Variants in PIP5K1C observed in about 807,000 individuals in gnomAD.
The protein encoded by PIP5K1C is phosphatidylinositol-4-phosphate 5-kinase type 1 gamma.
PIP5K1C carries 45 observed loss-of-function variants against 80.1 expected under a neutral mutation model. The ratio of observed to expected loss-of-function variants is 0.56; its 90% CI spans 0.44 to 0.72. The LOEUF (loss-of-function observed/expected upper bound fraction) is 0.72. Ranked by LOEUF, PIP5K1C falls within the 30% of genes least tolerant of loss-of-function variation. The pLI, the probability that PIP5K1C is intolerant of heterozygous loss-of-function variation, is 0.00. For synonymous variants in PIP5K1C, 498 were observed against 420.1 expected (o/e 1.19, Z -2.27); for missense variants, 753 against 954.6 (o/e 0.79, Z 2.78).
chr19:3,662,106 C>G lies in PIP5K1C; in HGVS notation c.220-105G>C, dbSNP rs1038495675. On this transcript the variant is annotated intron_variant, in intron 3 of 17. Coordinates refer to ENST00000335312, the MANE Select transcript of PIP5K1C (RefSeq NM_012398.3). ...GATCGTGACCAGCTGCAGCTTGGGA[C>G]CCGGCACCTGCCAACCCCCTCCTGG... is the stretch of plus-strand genomic sequence containing the variant. The G allele has an allele frequency of 2.6e-5, 36 of 1,391,476 alleles. No homozygotes were observed. The Admixed American group carries it at 7.3e-4, about 28-fold the overall frequency. The allele number at this position is 1,391,476 out of a possible 1,614,324, so 86.2% of individuals were successfully genotyped here. A position where few individuals can be genotyped will look rare whatever the true frequency, so the allele number is the denominator to read the frequency against.
chr19:3,698,930 G>GCCCCCCACCCCCAC (rs2036207831), intron 1 of PIP5K1C, among the ~76,000 whole-genome samples: 2 of 131,728 alleles, frequency 1.5e-5, no homozygotes, highest in Non-Finnish European at 3.3e-5. Flanking sequence ...GCCCTCCCCG[G>GCCCCCCACCCCCAC]CCCCCCACCC....
chr19:3,681,853 G>T (rs1056056842), intron 1 of PIP5K1C, among the ~76,000 whole-genome samples: 1 of 151,960 alleles, frequency 6.6e-6, no homozygotes, highest in Admixed American at 6.6e-5. Context: ...AAACTCCAGG[G>T]GGTCACTTAG....
chr19:3,638,127 A>G, intron 16 of PIP5K1C: 1 of 1,277,298 alleles, frequency 7.8e-7, no homozygotes, highest in South Asian at 1.6e-5. Flanking sequence ...AGAACAAACC[A>G]TCTGGGAAGT....
chr19:3,690,905 G>A (rs1837462422), intron 1 of PIP5K1C, among the ~76,000 whole-genome samples: 1 of 152,200 alleles, frequency 6.6e-6, no homozygotes. Context: ...TGGAGGTCGG[G>A]GCCACGGAGC....
At chr19:3,633,748 G>A (rs1007335228) in intron 16 of PIP5K1C, among the ~76,000 whole-genome samples, 8 of 152,166 alleles carry the variant, frequency 5.3e-5, no homozygotes, top group African/African-American at 7.2e-5. Flanking sequence ...CACGGCGGGC[G>A]GCAGAAAGCA....
At chr19:3,643,020 GC>G in intron 13 of PIP5K1C, 81 bp from the exon 14 acceptor site, 1 of 1,543,342 alleles carries the variant, frequency 6.5e-7, no homozygotes, top group Non-Finnish European at 9.0e-7. Context: ...CTACCCGCCT[GC>G]CTACCTGCCC....
At chr19:3,680,986 C>T (rs2035572705) in intron 1 of PIP5K1C, among the ~76,000 whole-genome samples, 1 of 152,156 alleles carries the variant, frequency 6.6e-6, no homozygotes, top group Non-Finnish European at 1.5e-5. Flanking sequence ...GATGGCCCTA[C>T]CCCAGAGAAA....
intron 11 of PIP5K1C, among the ~76,000 whole-genome samples, chr19:3,645,292 G>T (rs770968025): frequency 6.6e-6 from 1 of 152,266 alleles, no homozygotes; most frequent in Admixed American, 6.5e-5. Flanking sequence ...GGAGCCTTCT[G>T]GTGGGGAGGG....
At chr19:3,671,939 G>A (rs1050999003) in intron 1 of PIP5K1C, among the ~76,000 whole-genome samples, 2 of 152,224 alleles carry the variant, frequency 1.3e-5, no homozygotes, top group Non-Finnish European at 2.9e-5. Context: ...AAAATAGTCG[G>A]GGGAGGAAAG....
chr19:3,648,077 A>G lies in PIP5K1C; in HGVS notation c.1211+548T>C, dbSNP rs772870929. ...TGCTCTGTCACCCAGCCTGGGGTGC[A>G]GTACGGCCATCATAGCTCACTGCTG... is the stretch of plus-strand genomic sequence containing the variant. On this transcript the variant is annotated intron_variant, in intron 9 of 17. Transcript: ENST00000335312. This position sits in a 1 kb window ranked among gnomAD's most constrained non-coding sequence, Gnocchi z 4.3. 3.0e-4 allele frequency among the ~76,000 whole-genome samples: 46 copies of G among 152,116 alleles called. No individual in the cohort carries two copies. Among genetic ancestry groups the G allele is most frequent in the African/African-American group, 9.9e-4 (41 of 41,476 alleles).
chr19:3,692,960 G>T lies in PIP5K1C; in HGVS notation c.94+7337C>A, dbSNP rs2035989829. ...TCACTTCCCCTGGATCTCTGTTCAA[G>T]TGTGGCCCCCGAGTCCCCAGCCTTG... On this transcript the variant is annotated intron_variant, in intron 1 of 17. Transcript: ENST00000335312. This position sits in a 1 kb window ranked among gnomAD's most constrained non-coding sequence, Gnocchi z 5.2. Among the ~76,000 whole-genome samples, 1 of 151,838 alleles carries T rather than the reference G, an allele frequency of 6.6e-6. No individual in the cohort carries two copies. Among genetic ancestry groups the T allele is most frequent in the Non-Finnish European group, 1.5e-5 (1 of 67,952 alleles).
chr19:3,688,878 G>C lies in PIP5K1C; in HGVS notation c.94+11419C>G, dbSNP rs368015876. On this transcript the variant is annotated intron_variant, in intron 1 of 17. Coordinates refer to ENST00000335312, the MANE Select transcript of PIP5K1C (RefSeq NM_012398.3). This position sits in a 1 kb window ranked among gnomAD's most constrained non-coding sequence, Gnocchi z 5.3. The stretch of plus-strand genomic sequence containing the variant: ...CCACACAGCCGAATACATGCCCCCG[G>C]TCCCCCTTCCAGCCTTGTCCCCAAC... Among the ~76,000 whole-genome samples the C allele has an allele frequency of 1.6e-4, 24 of 151,836 alleles. No homozygotes were observed. The East Asian group carries it at 4.1e-3, about 26-fold the overall frequency.
intron 5 of PIP5K1C, 54 bp downstream of exon 5, chr19:3,660,912 C>A (rs2034810684): frequency 1.4e-6 from 2 of 1,427,966 alleles, no homozygotes; most frequent in African/African-American, 1.4e-5. Context: ...CCCTCCGAGA[C>A]CCTGAACATG....
At chr19:3,695,076 C>T (rs962385296) in intron 1 of PIP5K1C, among the ~76,000 whole-genome samples, 2 of 152,220 alleles carry the variant, frequency 1.3e-5, no homozygotes, top group Non-Finnish European at 2.9e-5. Context: ...TGGACAGATT[C>T]GGGTGGGGTC....
Position 3,661,566 on chromosome 19 carries a change from T to C in PIP5K1C, c.350+305A>G, listed in dbSNP as rs199905463. ...TGGCGGTGTGGGGTGACCAGAAGGA[T>C]CCCAGGACCCCAACACCATGGAACC... On this transcript the variant is annotated intron_variant, in intron 4 of 17. Transcript: ENST00000335312. Among the ~76,000 whole-genome samples, 29 of 152,312 alleles carry C rather than the reference T, an allele frequency of 1.9e-4. 1 individual carries two copies. The East Asian group carries it at 4.6e-3, about 24-fold the overall frequency.
At chr19:3,656,791 C>CCAGG (rs2034649529) in intron 5 of PIP5K1C, among the ~76,000 whole-genome samples, 1 of 152,208 alleles carries the variant, frequency 6.6e-6, no homozygotes, top group Non-Finnish European at 1.5e-5. Context: ...GGCGCACTCC[C>CCAGG]CAGGCTGCCT....
chr19:3,694,211 C>CAAAAA (rs1175485721), intron 1 of PIP5K1C, among the ~76,000 whole-genome samples: 1 of 57,496 alleles, frequency 1.7e-5, no homozygotes, highest in African/African-American at 6.6e-5. Context: ...GACTCCATCT[C>CAAAAA]AAAAAAAAAA....
chr19:3,642,762 G>T, intron 14 of PIP5K1C, 145 bp downstream of exon 14: 1 of 741,024 alleles, frequency 1.3e-6, no homozygotes, highest in Non-Finnish European at 2.4e-6. Flanking sequence ...ATTGTGTGCG[G>T]TGCTAGGGCC....
At chr19:3,656,852 G>A (rs531710977) in intron 5 of PIP5K1C, among the ~76,000 whole-genome samples, 74 of 152,318 alleles carry the variant, frequency 4.9e-4, no homozygotes, top group African/African-American at 1.7e-3. Flanking sequence ...GCTGACGCGC[G>A]TGGCTAAAAG....
Sources: allele counts gnomAD v4.1 joint callset (sites outside exome capture counted in the v4.1 genomes callset), GRCh38; gene constraint gnomAD v4.1.1; non-coding constraint Gnocchi (gnomAD v3.1); transcripts MANE v1.5; gene names NCBI Gene and HGNC (gene_info 2026-07-23, HGNC 2026-07-21).